ZCCHC14: variants seen among roughly 807,000 people sequenced by gnomAD.
ZCCHC14 encodes zinc finger CCHC domain-containing protein 14.
ZCCHC14 carries 16 observed loss-of-function variants against 85.0 expected under a neutral mutation model. The ratio of observed to expected loss-of-function variants is 0.19; its 90% CI spans 0.13 to 0.29. The LOEUF (loss-of-function observed/expected upper bound fraction) is 0.29, where lower values mean the gene tolerates loss of function less well. ZCCHC14 is among the 10% of genes least tolerant of loss of function. The probability of loss-of-function intolerance (pLI) is 1.00; values close to 1 mark genes in which losing one functional copy is unlikely to be tolerated. For synonymous variants in ZCCHC14, 775 were observed against 630.7 expected (o/e 1.23, Z -3.43); for missense variants, 1,303 against 1,443.5 (o/e 0.90, Z 1.58).
At chr16:87,423,946 T>G in intron 3 of ZCCHC14, 65 bp from the exon 4 acceptor site, 2 of 1,551,094 alleles carry the variant, frequency 1.3e-6, no homozygotes, top group Non-Finnish European at 1.8e-6. Context: ...CCAGCACGTG[T>G]CCTGGTACGA....
intron 2 of ZCCHC14, among the ~76,000 whole-genome samples, chr16:87,453,781 A>C (rs1487645029): frequency 3.9e-5 from 6 of 152,214 alleles, no homozygotes; most frequent in Admixed American, 3.9e-4. Flanking sequence ...ACATTCATAA[A>C]AATAGGGAAA....
intron 2 of ZCCHC14, among the ~76,000 whole-genome samples, chr16:87,433,906 C>T (rs1489434144): frequency 2.6e-5 from 4 of 151,798 alleles, no homozygotes; most frequent in Middle Eastern, 3.2e-3. Context: ...AGCCTCCCAA[C>T]GTGCTGGATT....
At position 87,492,917 on chromosome 16, in the gene ZCCHC14, G is replaced by GCGGCGACGGCGA. The variant is rs551285359; in HGVS notation, c.-691_-680dup. On this transcript the variant is annotated 5_prime_UTR_variant, in exon 1 of 13. Coordinates refer to ENST00000671377, the MANE Select transcript of ZCCHC14 (RefSeq NM_015144.3). The surrounding 1 kb of genome is among the most constrained non-coding windows in gnomAD (Gnocchi z 6.7). ...GGATCCGGGCCCGAGCGCGGCGGCG[G>GCGGCGACGGCGA]CGGCGACGGCGACGGCGACGGCGAC... 1.9e-3 allele frequency among the ~76,000 whole-genome samples: 277 copies of GCGGCGACGGCGA among 145,322 alleles called. No homozygotes were observed. Among genetic ancestry groups the GCGGCGACGGCGA allele is most frequent in the African/African-American group, 5.2e-3 (202 of 39,086 alleles).
rs1187770327 is a variant in ZCCHC14, at chr16:87,414,498, G to C, written c.1519C>G (p.Leu507Val). The change falls in exon 10 of 13, where the codon CTG (leucine) becomes GTG (valine). Residue 507 changes from leucine to valine, a missense_variant. This residue lies in a region of ZCCHC14 where 58 missense variants were observed against 88.2 expected (regional missense o/e 0.66). Transcript: ENST00000671377. The part of the protein sequence containing the change: ...RRCLNPSAPP[L>V]VTSSGVARVP... ...CGAGCCACACCACTGCTGGTGACCAGCGGCGGGGCCGAGGGGTTCAGGCAC... is the reference window on the plus strand; with the variant it reads ...CGAGCCACACCACTGCTGGTGACCACCGGCGGGGCCGAGGGGTTCAGGCAC... 1 of 1,613,036 alleles carries C rather than the reference G, an allele frequency of 6.2e-7. No homozygotes were observed. Among genetic ancestry groups the C allele is most frequent in the African/African-American group, 1.3e-5 (1 of 74,946 alleles).
In ZCCHC14 at chr16:87,420,759, C is replaced by G. The variant is rs764943951; in HGVS notation, c.841-43G>C. 6 of 1,515,414 alleles carry G rather than the reference C, an allele frequency of 4.0e-6. No individual in the cohort carries two copies. The highest frequency in any genetic ancestry group is 1.7e-4 in the Middle Eastern group (1 of 5,844). 93.9% of individuals were successfully genotyped at this position (1,515,414 alleles called of 1,614,324 possible). A position where few individuals can be genotyped will look rare whatever the true frequency, so the allele number is the denominator to read the frequency against. On this transcript the variant is annotated intron_variant, in intron 4 of 12. Transcript: ENST00000671377. This position sits in a 1 kb window ranked among gnomAD's most constrained non-coding sequence, Gnocchi z 5.0. Reference sequence around the variant, plus strand: ...GTAGAGGAGGTGTGTCCAGACCCATCCAACACCAGCAGAATTCTGCTACTG... The same window carrying G: ...GTAGAGGAGGTGTGTCCAGACCCATGCAACACCAGCAGAATTCTGCTACTG...
rs966692001 is a variant in ZCCHC14, at chr16:87,419,536, C to T, written c.1045+247G>A. Among the ~76,000 whole-genome samples, 10 of 151,734 alleles carry T rather than the reference C, an allele frequency of 6.6e-5. No homozygotes were observed. In the East Asian group the frequency reaches 1.2e-3, roughly 18 times the overall value. ...CGGGCTGGTCTTGAACTCCTGACCTCGTGATCCACCCGCCTCAGCCTCCCA... is the reference window on the plus strand; with the variant it reads ...CGGGCTGGTCTTGAACTCCTGACCTTGTGATCCACCCGCCTCAGCCTCCCA... On this transcript the variant is annotated intron_variant, in intron 6 of 12. Transcript: ENST00000671377.
rs1386404052 is a variant in ZCCHC14 at position 87,438,173 on chromosome 16, G to A, written c.695-4972C>T. Among the ~76,000 whole-genome samples, 9 of 152,364 alleles carry A rather than the reference G, an allele frequency of 5.9e-5. No individual in the cohort carries two copies. The South Asian group carries it at 1.4e-3, about 25-fold the overall frequency. Reference sequence around the variant, plus strand: ...GCACGCGCTCCAATGCTGTGGTACCGCAGCACTGCGTGGCACACAGAGCCC... The same window carrying A: ...GCACGCGCTCCAATGCTGTGGTACCACAGCACTGCGTGGCACACAGAGCCC... On this transcript the variant is annotated intron_variant, in intron 2 of 12. Transcript: ENST00000671377.
chr16:87,429,283 G>C (rs1424173423), intron 3 of ZCCHC14, among the ~76,000 whole-genome samples: 2 of 152,148 alleles, frequency 1.3e-5, no homozygotes, highest in East Asian at 1.9e-4. Context: ...CTAATGATGA[G>C]GATGGTGACT....
At position 87,410,099 on chromosome 16, in the gene ZCCHC14, G is replaced by A; in HGVS notation, c.*181C>T. The A allele has an allele frequency of 2.0e-6, 1 of 494,108 alleles. No individual in the cohort carries two copies. Among genetic ancestry groups the A allele is most frequent in the Non-Finnish European group, 3.6e-6 (1 of 279,372 alleles). The allele number at this position is 494,108 out of a possible 1,614,324, so 30.6% of individuals were successfully genotyped here. ...GTTCTGACACCAAGCTCCAATCTAG[G>A]GTTTTGGCAATAAATCGAGTTTGAT... On this transcript the variant is annotated 3_prime_UTR_variant, in exon 13 of 13. Coordinates refer to ENST00000671377, the MANE Select transcript of ZCCHC14 (RefSeq NM_015144.3).
At chr16:87,453,961 G>A (rs1171893963) in intron 2 of ZCCHC14, among the ~76,000 whole-genome samples, 2 of 152,064 alleles carry the variant, frequency 1.3e-5, no homozygotes, top group Non-Finnish European at 2.9e-5. Flanking sequence ...CAGAAAAAGA[G>A]AAATTATAAA....
intron 1 of ZCCHC14, among the ~76,000 whole-genome samples, chr16:87,489,951 A>C (rs1912677733): frequency 6.6e-6 from 1 of 152,232 alleles, no homozygotes; most frequent in Admixed American, 6.5e-5. Context: ...GAGTAACAGC[A>C]CATGAAACTG....
At position 87,424,022 on chromosome 16, in the gene ZCCHC14, A is replaced by G. The variant is rs978145898; in HGVS notation, c.769-141T>C. ...GTGCACCTGCTGTGGGAAGCACCTA[A>G]GCATCCCTTGACTTGTTACAGAAAG... On this transcript the variant is annotated intron_variant, in intron 3 of 12. Coordinates refer to ENST00000671377, the MANE Select transcript of ZCCHC14 (RefSeq NM_015144.3). 5 of 761,264 alleles carry G rather than the reference A, an allele frequency of 6.6e-6. No homozygotes were observed. In the African/African-American group the frequency reaches 7.0e-5, roughly 11 times the overall value. The allele number at this position is 761,264 out of a possible 1,614,324, so 47.2% of individuals were successfully genotyped here.
chr16:87,430,857 A>C (rs534253026), intron 3 of ZCCHC14, among the ~76,000 whole-genome samples: 149 of 152,258 alleles, frequency 9.8e-4, no homozygotes, highest in African/African-American at 3.4e-3. Context: ...AAAATAGAAA[A>C]ATCTGGCCAG....
intron 1 of ZCCHC14, among the ~76,000 whole-genome samples, chr16:87,466,875 C>A (rs965925514): frequency 6.6e-6 from 1 of 152,222 alleles, no homozygotes; most frequent in Admixed American, 6.5e-5. Context: ...GGGACAGTCA[C>A]ATCTAACCGT....
chr16:87,491,709 C>G lies in ZCCHC14; in HGVS notation c.530G>C (p.Gly177Ala). 7 of 1,499,980 alleles carry G rather than the reference C, an allele frequency of 4.7e-6. No homozygotes were observed. The highest frequency in any genetic ancestry group is 5.3e-6 in the Non-Finnish European group (6 of 1,132,926). 92.9% of individuals were successfully genotyped at this position (1,499,980 alleles called of 1,614,324 possible). ...GCAAGTGGGCAGCGCGCCGCCCGGC[C>G]CGGGCGCGCCCTTGCCGCCGTGGCC... ...GGGHGGKGAPGPGGALPTCPA... is the reference protein window; with the variant it reads ...GGGHGGKGAPAPGGALPTCPA... Residue 177 changes from glycine (G) to alanine (A), a missense_variant, in exon 1 of 13, where the codon GGG becomes GCG. By Grantham distance (60) the Gly-to-Ala change is moderately conservative. Coordinates refer to ENST00000671377, the MANE Select transcript of ZCCHC14 (RefSeq NM_015144.3). The surrounding 1 kb of genome is among the most constrained non-coding windows in gnomAD (Gnocchi z 5.9).
intron 1 of ZCCHC14, among the ~76,000 whole-genome samples, chr16:87,487,686 TTAAC>T (rs1430902332): frequency 3.9e-5 from 6 of 152,196 alleles, no homozygotes; most frequent in African/African-American, 1.4e-4. Context: ...AAAGAGCCTA[TTAAC>T]CATGAAGACA....
Position 87,414,457 on chromosome 16 carries a change from G to C in ZCCHC14, c.1560C>G (p.Ser520Arg). ...SSGVARVPPT[S>R]HVGPVQSGRG... ...GCCCCGACTGCACGGGCCCGACGTG[G>C]CTGGTGGGGGGCACTCGAGCCACAC... Residue 520 changes from serine to arginine, a missense_variant, in exon 10 of 13, where the codon AGC becomes AGG. Coordinates refer to ENST00000671377, the MANE Select transcript of ZCCHC14 (RefSeq NM_015144.3). 6.2e-7 allele frequency: 1 copy of C among 1,613,090 alleles called. No individual in the cohort carries two copies. Among genetic ancestry groups the C allele is most frequent in the Non-Finnish European group, 8.5e-7 (1 of 1,179,972 alleles).
intron 1 of ZCCHC14, among the ~76,000 whole-genome samples, chr16:87,490,464 T>A (rs1912702726): frequency 6.6e-6 from 1 of 152,176 alleles, no homozygotes; most frequent in African/African-American, 2.4e-5. Context: ...GGCAGCAAAA[T>A]TTTGGCACTG....
In ZCCHC14 at chr16:87,419,832, G is replaced by A; in HGVS notation, c.996C>T (p.Val332=). The A allele has an allele frequency of 6.2e-7, 1 of 1,612,898 alleles. No homozygotes were observed. Among genetic ancestry groups the A allele is most frequent in the Non-Finnish European group, 8.5e-7 (1 of 1,179,538 alleles). Residue 332 remains valine, a synonymous_variant, in exon 6 of 13, where the codon GTC becomes GTT. Coordinates refer to ENST00000671377, the MANE Select transcript of ZCCHC14 (RefSeq NM_015144.3). The part of the protein sequence containing the change: ...LPSHVLKNDH[V]RRFLSTSSPP... ...GAGAGGAAGTGCTGAGAAACCTCCT[G>A]ACATGGTCATTTTTCAACACGTGAG...
Sources: gnomAD v4.1 joint callset for allele counts (sites outside exome capture counted in the v4.1 genomes callset) on GRCh38, gnomAD v4.1.1 for gene constraint, gnomAD v4.1.1 regional missense constraint, Gnocchi (gnomAD v3.1) non-coding constraint, MANE v1.5 for transcripts, NCBI Gene and HGNC (gene_info 2026-07-23, HGNC 2026-07-21) for gene names.